PCNX1: variants seen among roughly 807,000 people sequenced by gnomAD.
PCNX1 encodes pecanex 1.
PCNX1 carries 78 observed loss-of-function variants against 242.2 expected under a neutral mutation model. That is an observed-to-expected ratio of 0.32 (90% CI 0.27 to 0.39). The LOEUF is 0.39. PCNX1 is among the 10% of genes least tolerant of loss of function. PCNX1 has a pLI of 1.00. For synonymous variants in PCNX1, 1,024 were observed against 1,032.9 expected (o/e 0.99, Z 0.17); for missense variants, 2,581 against 2,856.5 (o/e 0.90, Z 2.20).
At chr14:71,054,006 A>G (rs1238254495) in intron 24 of PCNX1, among the ~76,000 whole-genome samples, 3 of 151,960 alleles carry the variant, frequency 2.0e-5, no homozygotes, top group Non-Finnish European at 2.9e-5. Context: ...CTGGTCTCAA[A>G]CTCCTGATCT....
intron 19 of PCNX1, among the ~76,000 whole-genome samples, chr14:71,037,082 C>G (rs2060559832): frequency 1.3e-5 from 2 of 152,028 alleles, no homozygotes; most frequent in Non-Finnish European, 2.9e-5. Flanking sequence ...TGATTTGGCT[C>G]TCTGTTTGTC....
chr14:70,968,210 T>A lies in PCNX1; in HGVS notation c.481T>A (p.Ser161Thr), dbSNP rs546894044. The change falls in exon 4 of 36, where the codon TCC (serine) becomes ACC (threonine). Residue 161 changes from serine (S) to threonine (T), a missense_variant. Ser to Thr is a moderately conservative substitution (Grantham distance 58, BLOSUM62 1). Around this residue, in one of 9 missense-constraint regions of PCNX1, gnomAD observed 1,204 missense variants for 1,216.7 expected, o/e 0.99. Transcript: ENST00000304743. ...LDPSNQIGSG[S>T]SRLGTAATIK... ...GTCACGTTTTCAGATTGGATCTGGT[T>A]CCTCGCGTCTTGGAACAGCAGCAAC... 6.2e-7 allele frequency: 1 copy of A among 1,613,118 alleles called. No individual in the cohort carries two copies. The highest frequency in any genetic ancestry group is 8.5e-7 in the Non-Finnish European group (1 of 1,179,128).
chr14:70,941,105 G>T (rs997608020), intron 1 of PCNX1, among the ~76,000 whole-genome samples: 1 of 152,122 alleles, frequency 6.6e-6, no homozygotes, highest in Non-Finnish European at 1.5e-5. Flanking sequence ...TGTTATTACT[G>T]ATCTTTTGAA....
At chr14:70,996,374 C>T (rs1054017605) in intron 8 of PCNX1, among the ~76,000 whole-genome samples, 7 of 152,094 alleles carry the variant, frequency 4.6e-5, no homozygotes, top group South Asian at 2.1e-4. Context: ...ACACTATGTT[C>T]GTCATCTGTA....
chr14:70,910,062 CCCCCTCCTCCTCCTCCTCCTCCTCCT>C (rs2055776324), intron 1 of PCNX1, among the ~76,000 whole-genome samples: 1 of 79,836 alleles, frequency 1.3e-5, no homozygotes, highest in African/African-American at 4.8e-5. Flanking sequence ...TCCTCCTCCT[CCCCCTCCTCCTCCTCCTCCTCCTCCT>C]CCTCCTCCCC....
intron 28 of PCNX1, among the ~76,000 whole-genome samples, chr14:71,082,846 A>C (rs2061890044): frequency 6.6e-6 from 1 of 152,122 alleles, no homozygotes; most frequent in Non-Finnish European, 1.5e-5. Context: ...GCCTGCTTAC[A>C]TTTAAGGTTA....
chr14:70,935,829 A>C (rs2056979796), intron 1 of PCNX1, among the ~76,000 whole-genome samples: 1 of 152,220 alleles, frequency 6.6e-6, no homozygotes, highest in African/African-American at 2.4e-5. Context: ...CTTAATATTG[A>C]TATTAAGATG....
intron 2 of PCNX1, among the ~76,000 whole-genome samples, chr14:70,951,635 G>A (rs997051826): frequency 5.9e-5 from 9 of 152,086 alleles, no homozygotes; most frequent in African/African-American, 2.2e-4. Flanking sequence ...TCGGTCTCCT[G>A]AAGTGCTAGG....
intron 7 of PCNX1, among the ~76,000 whole-genome samples, chr14:70,994,396 G>GATATATGTGTGTGTGTATATAT: frequency 1.0e-5 from 1 of 96,966 alleles, no homozygotes; most frequent in African/African-American, 3.8e-5. Flanking sequence ...ACAGGCTTAA[G>GATATATGTGTGTGTGTATATAT]ATATATATAT....
chr14:70,968,266 G>T, intron 4 of PCNX1, 23 bp downstream of exon 4: 1 of 1,579,788 alleles, frequency 6.3e-7, no homozygotes, highest in Admixed American at 1.7e-5. Context: ...TAACTTAAAA[G>T]TTGCACCTGC....
chr14:71,046,970 C>T lies in PCNX1; in HGVS notation c.4025C>T (p.Ala1342Val), dbSNP rs1311330374. ...ATTTATACTGCCTTGTTAGATGCAG[C>T]CACTATGATGTGGTTTGAGAAACTT... ...EYNQYEVRNAATMMWFEKLHV... is the reference protein window; with the variant it reads ...EYNQYEVRNAVTMMWFEKLHV... The change falls in exon 21 of 36, where the codon GCC becomes GTC. Residue 1342 changes from alanine to valine, a missense_variant. Ala to Val is a moderately conservative substitution (Grantham distance 64). This residue lies in a region of PCNX1 where 432 missense variants were observed against 443.1 expected (regional missense o/e 0.97). Transcript: ENST00000304743. The T allele has an allele frequency of 1.2e-6, 2 of 1,607,652 alleles. No individual in the cohort carries two copies. Among genetic ancestry groups the T allele is most frequent in the South Asian group, 2.2e-5 (2 of 90,312 alleles).
intron 28 of PCNX1, among the ~76,000 whole-genome samples, chr14:71,083,446 T>G (rs1285284145): frequency 6.6e-6 from 1 of 152,196 alleles, no homozygotes; most frequent in Non-Finnish European, 1.5e-5. Context: ...GAAGAATGTT[T>G]CCAAGTTGAT....
intron 1 of PCNX1, among the ~76,000 whole-genome samples, chr14:70,940,689 G>A (rs191250312): frequency 3.3e-5 from 5 of 152,122 alleles, no homozygotes; most frequent in African/African-American, 1.2e-4. Context: ...GCTAGGTTGG[G>A]GAAGTTCTCC....
chr14:70,915,733 A>G (rs927663185), intron 1 of PCNX1, among the ~76,000 whole-genome samples: 3 of 152,234 alleles, frequency 2.0e-5, no homozygotes, highest in Non-Finnish European at 4.4e-5. Context: ...AAATTCCTAA[A>G]AATAGACTTG....
chr14:70,980,113 G>C (rs923276414), intron 6 of PCNX1, among the ~76,000 whole-genome samples: 1 of 151,974 alleles, frequency 6.6e-6, no homozygotes, highest in Admixed American at 6.6e-5. Flanking sequence ...AAGTCAACAT[G>C]CTATGATAGA....
At chr14:70,947,947 G>T (rs763648437) in intron 2 of PCNX1, among the ~76,000 whole-genome samples, 2 of 152,164 alleles carry the variant, frequency 1.3e-5, no homozygotes, top group African/African-American at 4.8e-5. Flanking sequence ...ACGCAGTTGT[G>T]GATAGGGGAT....
At chr14:70,966,729 T>C (rs191000152) in intron 3 of PCNX1, among the ~76,000 whole-genome samples, 3 of 151,126 alleles carry the variant, frequency 2.0e-5, no homozygotes, top group Admixed American at 1.3e-4. Context: ...TGTTTAAAAA[T>C]TTTTTTTTTA....
intron 19 of PCNX1, among the ~76,000 whole-genome samples, chr14:71,037,607 A>G (rs1465281396): frequency 2.7e-5 from 4 of 150,540 alleles, no homozygotes; most frequent in Non-Finnish European, 4.4e-5. Flanking sequence ...ATTTGCATAT[A>G]TTGAACCAGC....
chr14:71,098,070 A>C (rs1031593467), intron 30 of PCNX1, among the ~76,000 whole-genome samples: 1 of 152,128 alleles, frequency 6.6e-6, no homozygotes, highest in Non-Finnish European at 1.5e-5. Context: ...ATTTTTTGAC[A>C]ACTTTGTTGA....
Sources: allele counts gnomAD v4.1 joint callset (sites outside exome capture counted in the v4.1 genomes callset), GRCh38; gene constraint gnomAD v4.1.1; regional missense constraint gnomAD v4.1.1; transcripts MANE v1.5; gene names NCBI Gene and HGNC (gene_info 2026-07-23, HGNC 2026-07-21).